Variants in ST3GAL4 observed in about 807,000 individuals in gnomAD.
ST3GAL4 encodes ST3 beta-galactoside alpha-2,3-sialyltransferase 4.
A neutral mutation model predicts 42.6 loss-of-function variants in ST3GAL4; 24 were observed. That is an observed-to-expected ratio of 0.56 (90% CI 0.41 to 0.79). The LOEUF (loss-of-function observed/expected upper bound fraction) is 0.79, where lower values mean the gene tolerates loss of function less well. ST3GAL4 is among the 30% of genes least tolerant of loss of function. The pLI is 0.00. For missense variants in ST3GAL4, 311 were observed against 430.8 expected, an observed-to-expected ratio of 0.72 and a Z score of 2.46; for synonymous variants, 135 against 163.2, an observed-to-expected ratio of 0.83 and a Z score of 1.32.
Position 126,407,066 on chromosome 11 carries a change from G to C in ST3GAL4, c.182+43G>C, listed in dbSNP as rs376460846. On this transcript the variant is annotated intron_variant, in intron 4 of 10. Coordinates refer to ENST00000444328, the MANE Select transcript of ST3GAL4 (RefSeq NM_001254757.2). ...AGGAGGGTAGAGCAGGGCATGGAGCGAGCTGGGATTGAGGGTTTCACAGTG... is the reference window on the plus strand; with the variant it reads ...AGGAGGGTAGAGCAGGGCATGGAGCCAGCTGGGATTGAGGGTTTCACAGTG... 1.7e-5 allele frequency: 27 copies of C among 1,585,936 alleles called. No homozygotes were observed. In the South Asian group the frequency reaches 2.9e-4, roughly 17 times the overall value.
chr11:126,413,456 G>T (rs377306641), intron 9 of ST3GAL4, 49 bp from the exon 10 acceptor site: 2 of 1,603,972 alleles, frequency 1.2e-6, no homozygotes, highest in Non-Finnish European at 1.7e-6. Flanking sequence ...AGAGATGATG[G>T]TGGGAGGAGC....
rs935979332 is a variant in ST3GAL4 at position 126,359,330 on chromosome 11, C to T, written c.-61+3488C>T. Among the ~76,000 whole-genome samples the T allele has an allele frequency of 3.9e-5, 6 of 152,020 alleles. No individual in the cohort carries two copies. Among genetic ancestry groups the T allele is most frequent in the South Asian group, 4.2e-4 (2 of 4,818 alleles). On this transcript the variant is annotated intron_variant, in intron 1 of 10. Transcript: ENST00000444328. This position sits in a 1 kb window ranked among gnomAD's most constrained non-coding sequence, Gnocchi z 4.8. ...AAAAAAAGATGTGCTAGACACTTTA[C>T]GTCCCTTCATGTGAGCTTCACACAA... is the stretch of plus-strand genomic sequence containing the variant.
rs1437557213 is a variant in ST3GAL4, at chr11:126,363,631, C to T, written c.-61+7789C>T. ...CTGAGCCCTCATGCAACTCTTTGGA[C>T]ATCTTCCTGCAAAGGACGGTGGGAT... On this transcript the variant is annotated intron_variant, in intron 1 of 10. Transcript: ENST00000444328. The surrounding 1 kb of genome is among the most constrained non-coding windows in gnomAD (Gnocchi z 4.6). 6.6e-6 allele frequency among the ~76,000 whole-genome samples: 1 copy of T among 152,222 alleles called. No homozygotes were observed. The highest frequency in any genetic ancestry group is 1.5e-5 in the Non-Finnish European group (1 of 68,038).
At chr11:126,385,690 C>T (rs1489590585) in intron 1 of ST3GAL4, among the ~76,000 whole-genome samples, 1 of 152,136 alleles carries the variant, frequency 6.6e-6, no homozygotes, top group East Asian at 1.9e-4. Flanking sequence ...ATGCCAGGAG[C>T]TGCAGCACAG....
In ST3GAL4 at chr11:126,378,265, T is replaced by C. The variant is rs117745077; in HGVS notation, c.-61+22423T>C. On this transcript the variant is annotated intron_variant, in intron 1 of 10. Transcript: ENST00000444328. The surrounding 1 kb of genome is among the most constrained non-coding windows in gnomAD (Gnocchi z 5.3). ...CATCCTATTACCCACGAGTTGGGGG[T>C]GATACGAATGTCATGGTTATTCTCC... 1.3e-5 allele frequency among the ~76,000 whole-genome samples: 2 copies of C among 152,102 alleles called. No individual in the cohort carries two copies. Among genetic ancestry groups the C allele is most frequent in the African/African-American group, 2.4e-5 (1 of 41,402 alleles).
At chr11:126,357,056 A>G (rs1051162656) in intron 1 of ST3GAL4, among the ~76,000 whole-genome samples, 1 of 152,036 alleles carries the variant, frequency 6.6e-6, no homozygotes, top group Non-Finnish European at 1.5e-5. Flanking sequence ...CCATGCTGTT[A>G]CTCTCCAAAG....
rs962940812 is a variant in ST3GAL4 at position 126,394,775 on chromosome 11, C to T, written c.-60-11321C>T. 7.7e-5 allele frequency among the ~76,000 whole-genome samples: 10 copies of T among 129,740 alleles called. No individual in the cohort carries two copies. In the South Asian group the frequency reaches 1.6e-3, roughly 21 times the overall value. 85.1% of individuals were successfully genotyped at this position (129,740 alleles called of 152,430 possible). A position where few individuals can be genotyped will look rare whatever the true frequency, so the allele number is the denominator to read the frequency against. On this transcript the variant is annotated intron_variant, in intron 1 of 10. Transcript: ENST00000444328. ...TGTCTTGTGACTGGCAGCTGATAAA[C>T]GGGTGATACAATGTTTCTGTACAGG...
chr11:126,402,234 T>A (rs1052360065), intron 1 of ST3GAL4, among the ~76,000 whole-genome samples: 20 of 151,766 alleles, frequency 1.3e-4, no homozygotes, highest in African/African-American at 4.8e-4. Context: ...GGTAGGTGGA[T>A]CACTTGAGGC....
In ST3GAL4 at chr11:126,411,512, A is replaced by T. The variant is rs1226832433; in HGVS notation, c.772-1993A>T. 6.6e-6 allele frequency among the ~76,000 whole-genome samples: 1 copy of T among 152,110 alleles called. No homozygotes were observed. The highest frequency in any genetic ancestry group is 2.4e-5 in the African/African-American group (1 of 41,424). On this transcript the variant is annotated intron_variant, in intron 9 of 10. Transcript: ENST00000444328. The surrounding 1 kb of genome is among the most constrained non-coding windows in gnomAD (Gnocchi z 6.3). ...TAAAACAATACCCATGTACTGGCTC[A>T]TGGTCCTGTAGATCAGAACAGCAGG...
At chr11:126,371,242 G>A (rs1952636277) in intron 1 of ST3GAL4, among the ~76,000 whole-genome samples, 1 of 139,238 alleles carries the variant, frequency 7.2e-6, no homozygotes, top group South Asian at 2.3e-4. Flanking sequence ...TCGGCTCACT[G>A]CAATCTCTGC....
At position 126,409,172 on chromosome 11, in the gene ST3GAL4, C is replaced by T; in HGVS notation, c.628-96C>T. On this transcript the variant is annotated intron_variant, in intron 8 of 10. Coordinates refer to ENST00000444328, the MANE Select transcript of ST3GAL4 (RefSeq NM_001254757.2). This position sits in a 1 kb window ranked among gnomAD's most constrained non-coding sequence, Gnocchi z 4.9. ...GTGCTCCTGAAGGCCTCTGCCATCGCTTGGACCCCCTCGCCTCGCTGAGGA... is the reference window on the plus strand; with the variant it reads ...GTGCTCCTGAAGGCCTCTGCCATCGTTTGGACCCCCTCGCCTCGCTGAGGA... 2 of 1,518,474 alleles carry T rather than the reference C, an allele frequency of 1.3e-6. No individual in the cohort carries two copies. The highest frequency in any genetic ancestry group is 4.5e-5 in the East Asian group (2 of 44,110). 94.1% of individuals were successfully genotyped at this position (1,518,474 alleles called of 1,614,324 possible). A position where few individuals can be genotyped will look rare whatever the true frequency, so the allele number is the denominator to read the frequency against.
intron 1 of ST3GAL4, among the ~76,000 whole-genome samples, chr11:126,404,523 G>A (rs1427529232): frequency 6.6e-6 from 1 of 152,216 alleles, no homozygotes; most frequent in East Asian, 1.9e-4. Context: ...TGACAGATGG[G>A]AAAAGCTATG....
chr11:126,387,308 G>C (rs1380179579), intron 1 of ST3GAL4, among the ~76,000 whole-genome samples: 2 of 152,202 alleles, frequency 1.3e-5, no homozygotes, highest in African/African-American at 4.8e-5. Context: ...CCAAGTGTGA[G>C]ATTTCAATAT....
intron 4 of ST3GAL4, 21 bp from the exon 5 acceptor site, chr11:126,407,231 C>T: frequency 1.2e-6 from 2 of 1,612,990 alleles, no homozygotes; most frequent in African/African-American, 2.7e-5. Flanking sequence ...TCATCCCCAC[C>T]CGGCTTTCAC....
rs6590201 is a variant in ST3GAL4 at position 126,391,147 on chromosome 11, C to A, written c.-60-14949C>A. Reference sequence around the variant, plus strand: ...TGCAAAGTCAATAATGCTGCTGTGACCACGGGTGTACAGATATCTCTTTGA... The same window carrying A: ...TGCAAAGTCAATAATGCTGCTGTGAACACGGGTGTACAGATATCTCTTTGA... On this transcript the variant is annotated intron_variant, in intron 1 of 10. Transcript: ENST00000444328. The surrounding 1 kb of genome is among the most constrained non-coding windows in gnomAD (Gnocchi z 5.5). Among the ~76,000 whole-genome samples, 82,076 of 152,004 alleles carry A rather than the reference C, an allele frequency of 0.54. 22,623 individuals carry two copies. Among genetic ancestry groups the A allele is most frequent in the African/African-American group, 0.66 (27,469 of 41,478 alleles).
In ST3GAL4 at chr11:126,392,220, C is replaced by T. The variant is rs1052997034; in HGVS notation, c.-60-13876C>T. 21 of 741,370 alleles carry T rather than the reference C, an allele frequency of 2.8e-5. No homozygotes were observed. The highest frequency in any genetic ancestry group is 3.5e-5 in the Non-Finnish European group (21 of 607,058). 45.9% of individuals were successfully genotyped at this position (741,370 alleles called of 1,614,324 possible). The stretch of plus-strand genomic sequence containing the variant: ...TGGGGTTTCATCTCAGGTTGACCCC[C>T]GTTAGGAGGAAGTAAGTAGGAAGGA... On this transcript the variant is annotated intron_variant, in intron 1 of 10. Coordinates refer to ENST00000444328, the MANE Select transcript of ST3GAL4 (RefSeq NM_001254757.2). This position sits in a 1 kb window ranked among gnomAD's most constrained non-coding sequence, Gnocchi z 5.8.
chr11:126,408,513 A>C lies in ST3GAL4; in HGVS notation c.627+17A>C, dbSNP rs1031798781. 3.0e-5 allele frequency: 48 copies of C among 1,613,332 alleles called. No individual in the cohort carries two copies. Among genetic ancestry groups the C allele is most frequent in the Non-Finnish European group, 3.6e-5 (42 of 1,179,814 alleles). On this transcript the variant is annotated intron_variant, in intron 8 of 10. Transcript: ENST00000444328. ...AAGAAGCGGGTAAGTTGGGGGACAG[A>C]CTGGGGGCTGAGGCCTGGCGGTGGG...
chr11:126,407,268 C>A lies in ST3GAL4; in HGVS notation c.199C>A (p.Pro67Thr), dbSNP rs759226814. ...KLFGNYSRDQ[P>T]IFLRLEDYFW... is the part of the protein sequence containing the mutation. ...TCTGTGCAGCTACTCCCGGGATCAG[C>A]CCATCTTCCTGCGGCTTGAGGATTA... is the stretch of plus-strand genomic sequence containing the variant. Residue 67 changes from proline (P) to threonine (T), a missense_variant, in exon 5 of 11, where the codon CCC (proline) becomes ACC (threonine). By Grantham distance (38) the Pro-to-Thr change is conservative. Transcript: ENST00000444328. The A allele has an allele frequency of 1.9e-6, 3 of 1,614,216 alleles. No individual in the cohort carries two copies. In the Admixed American group the frequency reaches 5.0e-5, roughly 27 times the overall value.
intron 1 of ST3GAL4, among the ~76,000 whole-genome samples, chr11:126,399,990 G>T (rs1953935509): frequency 6.6e-6 from 1 of 151,918 alleles, no homozygotes; most frequent in Non-Finnish European, 1.5e-5. Flanking sequence ...TTGCCTGCCT[G>T]CCTCCCTCCC....
Sources: allele counts gnomAD v4.1 joint callset (sites outside exome capture counted in the v4.1 genomes callset), GRCh38; gene constraint gnomAD v4.1.1; non-coding constraint Gnocchi (gnomAD v3.1); transcripts MANE v1.5; gene names NCBI Gene and HGNC (gene_info 2026-07-23, HGNC 2026-07-21).